LINGO2: variants seen among roughly 807,000 people sequenced by gnomAD.
The protein encoded by LINGO2 is leucine rich repeat and Ig domain containing 2, also known as leucine-rich repeat and immunoglobulin-like domain-containing nogo receptor-interacting protein 2.
In LINGO2, 14 loss-of-function variants were observed where a neutral mutation model predicts 30.6. The ratio of observed to expected loss-of-function variants is 0.46; its 90% CI spans 0.30 to 0.72. The LOEUF (loss-of-function observed/expected upper bound fraction) is 0.72, where lower values mean the gene tolerates loss of function less well. Ranked by LOEUF, LINGO2 falls within the 30% of genes least tolerant of loss-of-function variation. The probability of loss-of-function intolerance (pLI) is 0.07; values close to 1 mark genes in which losing one functional copy is unlikely to be tolerated. For synonymous variants in LINGO2, 317 were observed against 288.5 expected (o/e 1.10, Z -1.00); for missense variants, 729 against 751.7 (o/e 0.97, Z 0.35).
chr9:29,004,394 A>T, the LINGO2 span, among the ~76,000 whole-genome samples: 1 of 151,998 alleles, frequency 6.6e-6, no homozygotes, highest in Non-Finnish European at 1.5e-5. Context: ...GAACACAATT[A>T]TCAAGAAATT....
chr9:27,996,805 C>A (rs543819991), intron 5 of LINGO2, among the ~76,000 whole-genome samples: 2 of 152,268 alleles, frequency 1.3e-5, no homozygotes, highest in South Asian at 4.1e-4. Context: ...TAGTGGATAT[C>A]CCAATTACCC....
intron 4 of LINGO2, among the ~76,000 whole-genome samples, chr9:28,278,629 G>A (rs1424767503): frequency 6.6e-6 from 1 of 152,128 alleles, no homozygotes; most frequent in East Asian, 1.9e-4. Context: ...TAAGCCCATT[G>A]TTGAGACCTA....
chr9:29,201,622 A>AAAGC, the LINGO2 span, among the ~76,000 whole-genome samples: 1 of 151,764 alleles, frequency 6.6e-6, no homozygotes, highest in Non-Finnish European at 1.5e-5. Flanking sequence ...CAATAGAAAG[A>AAAGC]GATTTCAAGT....
At position 28,593,564 on chromosome 9, in the gene LINGO2, A is replaced by G. The variant is rs142990912; in HGVS notation, c.-365+76636T>C. On this transcript the variant is annotated intron_variant, in intron 1 of 5. Coordinates refer to ENST00000379992, the Ensembl canonical transcript of LINGO2. ...CTAGTGTCTTCTAAGTTCCCCATAA[A>G]AGGTCTGACTATTGCTATTAGGTTT... is the stretch of plus-strand genomic sequence containing the variant. Among the ~76,000 whole-genome samples the G allele has an allele frequency of 2.7e-3, 405 of 152,182 alleles. 1 individual carries two copies. The highest frequency in any genetic ancestry group is 4.2e-3 in the Non-Finnish European group (285 of 67,990).
the LINGO2 span, among the ~76,000 whole-genome samples, chr9:29,093,393 T>C: frequency 7.5e-6 from 1 of 133,732 alleles, no homozygotes; most frequent in African/African-American, 2.8e-5. Flanking sequence ...TCAGTATTAT[T>C]ATTATTATAT....
chr9:28,436,426 ATTT>A (rs1823926425), intron 2 of LINGO2, among the ~76,000 whole-genome samples: 1 of 2,484 alleles, frequency 4.0e-4, no homozygotes, highest in African/African-American at 6.3e-4. Flanking sequence ...AAGAGAATTT[ATTT>A]ATTTATTTAT....
intron 4 of LINGO2, among the ~76,000 whole-genome samples, chr9:28,079,461 T>C (rs1223286710): frequency 1.3e-5 from 2 of 152,136 alleles, no homozygotes; most frequent in African/African-American, 4.8e-5. Flanking sequence ...TAACTAACAA[T>C]GCTCTTTACC....
the LINGO2 span, among the ~76,000 whole-genome samples, chr9:29,060,079 C>A: frequency 1.3e-5 from 2 of 152,016 alleles, no homozygotes; most frequent in African/African-American, 4.8e-5. Flanking sequence ...GAGAATGACT[C>A]ACAAGTAATT....
chr9:28,628,994 T>C (rs577765997), intron 1 of LINGO2, among the ~76,000 whole-genome samples: 1 of 152,222 alleles, frequency 6.6e-6, no homozygotes, highest in African/African-American at 2.4e-5. Context: ...TTTTATACAA[T>C]GAGTAGCATT....
the LINGO2 span, among the ~76,000 whole-genome samples, chr9:28,703,975 G>A: frequency 3.3e-5 from 5 of 151,930 alleles, no homozygotes; most frequent in African/African-American, 1.2e-4. Context: ...TTAGGTAAGT[G>A]AATATGAAAT....
At chr9:29,191,995 C>T in the LINGO2 span, among the ~76,000 whole-genome samples, 71 of 151,922 alleles carry the variant, frequency 4.7e-4, no homozygotes, top group South Asian at 6.2e-3. Flanking sequence ...ACAGAAGCAA[C>T]ATTAATGTAA....
chr9:28,605,053 A>C (rs1203568854), intron 1 of LINGO2, among the ~76,000 whole-genome samples: 2 of 152,020 alleles, frequency 1.3e-5, no homozygotes, highest in African/African-American at 4.8e-5. Context: ...TTAGCCACTA[A>C]ACTTGTACTC....
At chr9:29,112,186 A>G in the LINGO2 span, among the ~76,000 whole-genome samples, 1 of 151,266 alleles carries the variant, frequency 6.6e-6, no homozygotes, top group African/African-American at 2.4e-5. Flanking sequence ...TAGAGAAAAT[A>G]TGCTCAATTA....
intron 2 of LINGO2, among the ~76,000 whole-genome samples, chr9:28,472,113 T>C (rs1017142689): frequency 1.3e-5 from 2 of 152,160 alleles, no homozygotes; most frequent in African/African-American, 4.8e-5. Context: ...TCTTATTTCC[T>C]AATTTGAGTG....
the LINGO2 span, among the ~76,000 whole-genome samples, chr9:28,982,309 TA>T: frequency 2.6e-5 from 4 of 152,096 alleles, no homozygotes; most frequent in Non-Finnish European, 4.4e-5. Flanking sequence ...AGTCTTTTAC[TA>T]ATAATTGAAA....
intron 5 of LINGO2, among the ~76,000 whole-genome samples, chr9:27,971,678 G>A (rs186477278): frequency 1.8e-4 from 28 of 152,204 alleles, no homozygotes; most frequent in Non-Finnish European, 3.7e-4. Flanking sequence ...CATGAGCCAC[G>A]GCGCCCGGCC....
At chr9:28,587,127 G>A (rs1824588991) in intron 1 of LINGO2, among the ~76,000 whole-genome samples, 1 of 151,978 alleles carries the variant, frequency 6.6e-6, no homozygotes, top group South Asian at 2.1e-4. Context: ...AAAGTTTGAA[G>A]GTGGCTGGGC....
intron 1 of LINGO2, among the ~76,000 whole-genome samples, chr9:28,639,697 T>G (rs1476835707): frequency 1.3e-5 from 2 of 152,190 alleles, no homozygotes; most frequent in Non-Finnish European, 2.9e-5. Flanking sequence ...ATCCCTTTAT[T>G]TTGAGCCTAT....
chr9:28,224,353 C>T (rs7031017), intron 4 of LINGO2, among the ~76,000 whole-genome samples: 16 of 152,238 alleles, frequency 1.1e-4, no homozygotes, highest in East Asian at 3.9e-4. Context: ...CGTGAGCCAC[C>T]GCACCTGGCC....
Sources: allele counts gnomAD v4.1 joint callset (sites outside exome capture counted in the v4.1 genomes callset), GRCh38; gene constraint gnomAD v4.1.1; transcripts MANE v1.5; gene names NCBI Gene and HGNC (gene_info 2026-07-23, HGNC 2026-07-21).